Variants in RGS6 observed in about 807,000 individuals in gnomAD.
RGS6 encodes the protein regulator of G-protein signaling 6.
RGS6 carries 30 observed loss-of-function variants against 78.5 expected under a neutral mutation model. The observed-to-expected ratio is 0.38, with a 90% CI of 0.29 to 0.52. The LOEUF (loss-of-function observed/expected upper bound fraction) is 0.52. Ranked by LOEUF, RGS6 falls within the 20% of genes least tolerant of loss-of-function variation. The probability of loss-of-function intolerance (pLI) is 0.85; values close to 1 mark genes in which losing one functional copy is unlikely to be tolerated. For synonymous variants in RGS6, 206 were observed against 206.0 expected, an observed-to-expected ratio of 1.00 and a Z score of 0.00; for missense variants, 495 against 609.7, an observed-to-expected ratio of 0.81 and a Z score of 1.98.
Position 72,000,802 on chromosome 14 carries a change from A to C in RGS6, c.84+35927A>C, listed in dbSNP as rs1372324556. 2.6e-5 allele frequency among the ~76,000 whole-genome samples: 4 copies of C among 152,200 alleles called. No individual in the cohort carries two copies. In the East Asian group the frequency reaches 7.7e-4, roughly 29 times the overall value. Reference sequence around the variant, plus strand: ...GATTTGGTGACCACATCTCAAGGTCATGGGCGACCCTGAGAGAGCTGTTTA... The same window carrying C: ...GATTTGGTGACCACATCTCAAGGTCCTGGGCGACCCTGAGAGAGCTGTTTA... On this transcript the variant is annotated intron_variant, in intron 2 of 17. Transcript: ENST00000553525.
intron 2 of RGS6, among the ~76,000 whole-genome samples, chr14:72,300,997 G>A (rs992140441): frequency 4.6e-5 from 7 of 152,134 alleles, no homozygotes; most frequent in African/African-American, 1.7e-4. Context: ...CTTTAGAGGG[G>A]GAAAATATGA....
chr14:72,480,626 G>C (rs1205543715), intron 12 of RGS6, among the ~76,000 whole-genome samples: 1 of 152,134 alleles, frequency 6.6e-6, no homozygotes, highest in South Asian at 2.1e-4. Context: ...GAAAGGAGAC[G>C]CGTGTTAGCT....
intron 2 of RGS6, chr14:72,022,651 G>A (rs919980426): frequency 6.6e-6 from 1 of 152,206 alleles, no homozygotes; most frequent in Admixed American, 6.5e-5. Context: ...CCAGCCACCA[G>A]ACCAAGCTTC....
intron 2 of RGS6, among the ~76,000 whole-genome samples, chr14:72,135,365 A>G (rs1425936475): frequency 6.6e-6 from 1 of 152,096 alleles, no homozygotes; most frequent in Non-Finnish European, 1.5e-5. Flanking sequence ...ACTGGCTGCC[A>G]TTGTGGGGCT....
chr14:72,186,852 T>G (rs893883710), intron 2 of RGS6, among the ~76,000 whole-genome samples: 1 of 152,214 alleles, frequency 6.6e-6, no homozygotes, highest in Admixed American at 6.5e-5. Context: ...AGGATCTGAT[T>G]GCATAAATGC....
the RGS6 span, among the ~76,000 whole-genome samples, chr14:71,888,120 T>C: frequency 6.6e-6 from 1 of 152,120 alleles, no homozygotes; most frequent in Non-Finnish European, 1.5e-5. Flanking sequence ...CGTTGAAATA[T>C]TGGGGGTGGG....
intron 3 of RGS6, among the ~76,000 whole-genome samples, chr14:72,399,367 T>C (rs2092026618): frequency 6.6e-6 from 1 of 152,122 alleles, no homozygotes; most frequent in South Asian, 2.1e-4. Context: ...CTGCCTTTTT[T>C]TGTTTTCCAT....
At chr14:72,071,036 C>T (rs1167032485) in intron 2 of RGS6, among the ~76,000 whole-genome samples, 1 of 151,924 alleles carries the variant, frequency 6.6e-6, no homozygotes, top group Non-Finnish European at 1.5e-5. Flanking sequence ...GGTAAATTAC[C>T]AGATATATTG....
chr14:72,417,523 A>G (rs1237638670), intron 3 of RGS6, among the ~76,000 whole-genome samples: 1 of 152,178 alleles, frequency 6.6e-6, no homozygotes, highest in East Asian at 1.9e-4. Context: ...TTTGGAGACA[A>G]GAAACCTTTG....
At chr14:72,268,516 C>T (rs2059421007) in intron 2 of RGS6, among the ~76,000 whole-genome samples, 1 of 152,226 alleles carries the variant, frequency 6.6e-6, no homozygotes, top group Non-Finnish European at 1.5e-5. Flanking sequence ...TCCTCCCTCT[C>T]TCCTTTACAA....
intron 2 of RGS6, among the ~76,000 whole-genome samples, chr14:72,100,012 G>A (rs141768239): frequency 6.6e-6 from 1 of 152,092 alleles, no homozygotes; most frequent in African/African-American, 2.4e-5. Flanking sequence ...GCAGAGAGCG[G>A]GTCACCAGCA....
At chr14:72,602,506 G>C in the RGS6 span, among the ~76,000 whole-genome samples, 2 of 152,156 alleles carry the variant, frequency 1.3e-5, no homozygotes, top group East Asian at 3.9e-4. Flanking sequence ...GAGTGGCATT[G>C]CCAGCCTTCT....
At chr14:72,266,046 G>A (rs1045103600) in intron 2 of RGS6, among the ~76,000 whole-genome samples, 2 of 152,078 alleles carry the variant, frequency 1.3e-5, no homozygotes, top group Admixed American at 6.6e-5. Flanking sequence ...GCTTAACACA[G>A]TAAACTGTTT....
intron 2 of RGS6, among the ~76,000 whole-genome samples, chr14:71,994,714 A>T (rs933475543): frequency 6.6e-6 from 1 of 152,038 alleles, no homozygotes; most frequent in Non-Finnish European, 1.5e-5. Context: ...TTGTGGAAAG[A>T]TTGGAATGAT....
intron 2 of RGS6, among the ~76,000 whole-genome samples, chr14:72,295,445 A>G (rs2064609890): frequency 6.6e-6 from 1 of 152,188 alleles, no homozygotes; most frequent in African/African-American, 2.4e-5. Flanking sequence ...GCTGGCCCAG[A>G]GAGAGCTGCT....
chr14:71,975,939 C>T (rs912388307), intron 2 of RGS6, among the ~76,000 whole-genome samples: 2 of 152,090 alleles, frequency 1.3e-5, no homozygotes, highest in African/African-American at 4.8e-5. Flanking sequence ...TGGATATTTT[C>T]TACCGACTTA....
At chr14:72,449,747 T>C (rs1355156433) in intron 3 of RGS6, among the ~76,000 whole-genome samples, 10 of 152,200 alleles carry the variant, frequency 6.6e-5, no homozygotes, top group African/African-American at 2.4e-4. Context: ...AAAGGGTCGC[T>C]CTGAGGCTCC....
chr14:71,930,977 C>CAAAAAAAAAAAAAAAAAAAAAA (rs58649273), upstream of RGS6, among the ~76,000 whole-genome samples: 1 of 16,648 alleles, frequency 6.0e-5, no homozygotes, highest in African/African-American at 1.5e-4. Flanking sequence ...AACTACGTCT[C>CAAAAAAAAAAAAAAAAAAAAAA]AAAAAAAAAA....
At chr14:72,211,829 A>G (rs2044248527) in intron 2 of RGS6, among the ~76,000 whole-genome samples, 2 of 152,206 alleles carry the variant, frequency 1.3e-5, no homozygotes, top group South Asian at 4.1e-4. Flanking sequence ...ATTCTAAGGA[A>G]TGTAGCATTA....
Sources: gnomAD v4.1 joint callset for allele counts (sites outside exome capture counted in the v4.1 genomes callset) on GRCh38, gnomAD v4.1.1 for gene constraint, MANE v1.5 for transcripts, NCBI Gene and HGNC (gene_info 2026-07-23, HGNC 2026-07-21) for gene names.